PITPNC1: variants seen among roughly 807,000 people sequenced by gnomAD.
The protein encoded by PITPNC1 is cytoplasmic phosphatidylinositol transfer protein 1.
In PITPNC1, 18 loss-of-function variants were observed where a neutral mutation model predicts 44.7. That is an observed-to-expected ratio of 0.40 (90% CI 0.28 to 0.60). The LOEUF is 0.60. Among genes scored for constraint, PITPNC1 ranks in the 20% least tolerant of loss-of-function variants. The probability of loss-of-function intolerance (pLI) is 0.39; values close to 1 mark genes in which losing one functional copy is unlikely to be tolerated. For missense variants in PITPNC1, 290 were observed against 418.4 expected, an observed-to-expected ratio of 0.69 and a Z score of 2.68; for synonymous variants, 141 against 149.6, an observed-to-expected ratio of 0.94 and a Z score of 0.42.
intron 1 of PITPNC1, among the ~76,000 whole-genome samples, chr17:67,509,604 C>A (rs986852672): frequency 7.1e-6 from 1 of 141,240 alleles, no homozygotes; most frequent in South Asian, 2.3e-4. Flanking sequence ...ATAAATAAAA[C>A]GTGTTCAACC....
At chr17:67,552,410 C>A in intron 3 of PITPNC1, 65 bp downstream of exon 3, 1 of 870,984 alleles carries the variant, frequency 1.1e-6, no homozygotes, top group South Asian at 1.3e-5. Context: ...AGTTGAATTT[C>A]ACTGATTTAC....
chr17:67,631,657 A>AAAATATAT (rs1555574522), intron 5 of PITPNC1, among the ~76,000 whole-genome samples: 4 of 7,678 alleles, frequency 5.2e-4, no homozygotes, highest in African/African-American at 1.1e-3. Context: ...AAAAAAAAAA[A>AAAATATAT]ATATATATAT....
At chr17:67,635,849 A>G (rs986686291) in intron 6 of PITPNC1, among the ~76,000 whole-genome samples, 1 of 152,224 alleles carries the variant, frequency 6.6e-6, no homozygotes, top group Non-Finnish European at 1.5e-5. Flanking sequence ...AGCAGTTCTC[A>G]ACTGGGGGTG....
At chr17:67,390,083 C>T (rs1210307988) in intron 1 of PITPNC1, among the ~76,000 whole-genome samples, 1 of 151,840 alleles carries the variant, frequency 6.6e-6, no homozygotes, top group East Asian at 1.9e-4. Flanking sequence ...CAGAGAGTGC[C>T]GAATGTGAAT....
intron 1 of PITPNC1, among the ~76,000 whole-genome samples, chr17:67,511,507 T>C (rs2040184171): frequency 1.3e-5 from 2 of 152,130 alleles, no homozygotes; most frequent in African/African-American, 4.8e-5. Flanking sequence ...CAATACTGGC[T>C]AGCTGTTCTT....
chr17:67,453,558 G>A (rs1451749074), intron 1 of PITPNC1, among the ~76,000 whole-genome samples: 1 of 152,182 alleles, frequency 6.6e-6, no homozygotes, highest in Non-Finnish European at 1.5e-5. Flanking sequence ...GCAGGGGTCT[G>A]CAAACATTTT....
intron 5 of PITPNC1, among the ~76,000 whole-genome samples, chr17:67,619,902 A>G (rs2041809133): frequency 6.6e-6 from 1 of 152,092 alleles, no homozygotes; most frequent in Admixed American, 6.6e-5. Flanking sequence ...GAGCTTGACC[A>G]TGTCCTCATG....
At chr17:67,530,177 C>T (rs529026040) in intron 1 of PITPNC1, among the ~76,000 whole-genome samples, 8 of 149,494 alleles carry the variant, frequency 5.4e-5, no homozygotes, top group African/African-American at 1.2e-4. Flanking sequence ...CTGCAAGCTC[C>T]GCCTCCTGGG....
At chr17:67,670,496 C>A (rs1468011741) in intron 7 of PITPNC1, among the ~76,000 whole-genome samples, 1 of 152,156 alleles carries the variant, frequency 6.6e-6, no homozygotes, top group Non-Finnish European at 1.5e-5. Context: ...GCCTGTAATA[C>A]CAGCCCTTTG....
At chr17:67,408,733 T>TTC (rs1567978464) in intron 1 of PITPNC1, 26 of 140,006 alleles carry the variant, frequency 1.9e-4, no homozygotes, top group Non-Finnish European at 3.1e-4. Flanking sequence ...TTCCTTCCTT[T>TTC]CTTTCTTTCT....
chr17:67,553,659 C>T, intron 4 of PITPNC1, 42 bp downstream of exon 4: 1 of 850,712 alleles, frequency 1.2e-6, no homozygotes. Flanking sequence ...TGTCTATGAT[C>T]AGTGGAGTAA....
At chr17:67,657,393 A>C (rs1480331044) in intron 6 of PITPNC1, among the ~76,000 whole-genome samples, 1 of 152,218 alleles carries the variant, frequency 6.6e-6, no homozygotes, top group Non-Finnish European at 1.5e-5. Context: ...CAATGTTGCC[A>C]TAAAAAGCCC....
At chr17:67,630,859 G>A (rs1003164200) in intron 5 of PITPNC1, among the ~76,000 whole-genome samples, 48 of 151,278 alleles carry the variant, frequency 3.2e-4, no homozygotes, top group Non-Finnish European at 6.3e-4. Context: ...TTACAGGTGT[G>A]CAGCATCACG....
intron 5 of PITPNC1, among the ~76,000 whole-genome samples, chr17:67,625,635 G>A (rs1337190202): frequency 6.6e-6 from 1 of 152,132 alleles, no homozygotes. Flanking sequence ...ACCACATCAG[G>A]ACCGCTGCCA....
rs138224025 is a variant in PITPNC1, at chr17:67,451,701, C to T, written c.48+73499C>T. 7.3e-3 allele frequency among the ~76,000 whole-genome samples: 1,106 copies of T among 151,044 alleles called. 11 individuals are homozygous for T. Among genetic ancestry groups the T allele is most frequent in the African/African-American group, 0.025 (1,015 of 40,970 alleles). On this transcript the variant is annotated intron_variant, in intron 1 of 8. Coordinates refer to ENST00000581322, the MANE Select transcript of PITPNC1 (RefSeq NM_012417.4). ...TCGCCCAGGCTGGAGTGCAGTGGCG[C>T]GATCTCGGCTCACTGCAATCTCCGC...
At chr17:67,388,797 T>C (rs1476396661) in intron 1 of PITPNC1, among the ~76,000 whole-genome samples, 1 of 152,060 alleles carries the variant, frequency 6.6e-6, no homozygotes, top group Non-Finnish European at 1.5e-5. Flanking sequence ...GTCTTGTATT[T>C]TTAGTAGAGA....
At chr17:67,682,454 G>C (rs545305681) in intron 8 of PITPNC1, among the ~76,000 whole-genome samples, 7 of 152,222 alleles carry the variant, frequency 4.6e-5, no homozygotes, top group Admixed American at 2.0e-4. Context: ...GCCCCATGCA[G>C]TATGACCTCA....
intron 1 of PITPNC1, among the ~76,000 whole-genome samples, chr17:67,522,176 C>A (rs990259406): frequency 6.6e-6 from 1 of 152,028 alleles, no homozygotes; most frequent in South Asian, 2.1e-4. Flanking sequence ...TGGTGGCACA[C>A]GCTTGTAATT....
intron 6 of PITPNC1, among the ~76,000 whole-genome samples, chr17:67,640,860 C>T (rs2042085664): frequency 6.7e-6 from 1 of 149,222 alleles, no homozygotes; most frequent in Admixed American, 6.7e-5. Flanking sequence ...TGTGGTGGCA[C>T]ATGCCTGTAA....
Sources: gnomAD v4.1 joint callset for allele counts (sites outside exome capture counted in the v4.1 genomes callset) on GRCh38, gnomAD v4.1.1 for gene constraint, MANE v1.5 for transcripts, NCBI Gene and HGNC (gene_info 2026-07-23, HGNC 2026-07-21) for gene names.